The following NEXMIF variants were observed in gnomAD, a reference collection of about 807,000 sequenced individuals.
The protein encoded by NEXMIF is neurite extension and migration factor.
NEXMIF carries 8 observed loss-of-function variants against 62.1 expected under a neutral mutation model. That is an observed-to-expected ratio of 0.13 (90% CI 0.08 to 0.23). The LOEUF (loss-of-function observed/expected upper bound fraction) is 0.23, where lower values mean the gene tolerates loss of function less well. Among genes scored for constraint, NEXMIF ranks in the 10% least tolerant of loss-of-function variants. The pLI, the probability that NEXMIF is intolerant of heterozygous loss-of-function variation, is 1.00. For synonymous variants in NEXMIF, 404 were observed against 416.6 expected (o/e 0.97, Z 0.37); for missense variants, 976 against 1,113.3 (o/e 0.88, Z 1.75).
chrX:74,884,251 A>C (rs1421464573), intron 1 of NEXMIF, among the ~76,000 whole-genome samples: 1 of 111,920 alleles, frequency 8.9e-6, no homozygotes, highest in African/African-American at 3.3e-5. Context: ...TGAGCAAAAT[A>C]ACCAGCTAAC....
intron 1 of NEXMIF, among the ~76,000 whole-genome samples, chrX:74,793,178 C>T (rs2080291902): frequency 9.0e-6 from 1 of 110,695 alleles, no homozygotes; most frequent in African/African-American, 3.3e-5. Flanking sequence ...CTGGTGGTGA[C>T]AAAATCTCTC....
Position 74,871,165 on chromosome X carries a change from G to A in NEXMIF, c.-48+53718C>T, listed in dbSNP as rs1980007435. On this transcript the variant is annotated intron_variant, in intron 1 of 3. Coordinates refer to ENST00000055682, the MANE Select transcript of NEXMIF (RefSeq NM_001008537.3). ...TTCTTTTCTATTTTCCCTAAGTGTC[G>A]GCCGGTCTGAGAAATAAACAAAAAG... is the stretch of plus-strand genomic sequence containing the variant. Among the ~76,000 whole-genome samples the A allele has an allele frequency of 4.5e-5, 5 of 111,087 alleles. No individual in the cohort carries two copies. The Middle Eastern group carries it at 0.019, about 413-fold the overall frequency.
chrX:74,897,363 G>A (rs1202809076), intron 1 of NEXMIF, among the ~76,000 whole-genome samples: 1 of 111,901 alleles, frequency 8.9e-6, no homozygotes, highest in East Asian at 2.8e-4. Context: ...TTGAAAAATA[G>A]TAAGCTCTGC....
intron 1 of NEXMIF, among the ~76,000 whole-genome samples, chrX:74,884,054 T>C (rs1489943756): frequency 8.9e-6 from 1 of 111,747 alleles, no homozygotes; most frequent in South Asian, 3.8e-4. Context: ...CTAAGCTTCA[T>C]AAGTGAAGGA....
intron 1 of NEXMIF, among the ~76,000 whole-genome samples, chrX:74,803,234 T>G (rs1178711543): frequency 9.0e-6 from 1 of 111,450 alleles, no homozygotes; most frequent in Non-Finnish European, 1.9e-5. Context: ...CCAAGCATAT[T>G]TGACCCAAAG....
chrX:74,899,528 G>A (rs1380733901), intron 1 of NEXMIF, among the ~76,000 whole-genome samples: 1 of 112,023 alleles, frequency 8.9e-6, no homozygotes, highest in Non-Finnish European at 1.9e-5. Flanking sequence ...AACCAAGGAG[G>A]TGAAAGATCT....
chrX:74,858,552 G>A (rs2080543836), intron 1 of NEXMIF, among the ~76,000 whole-genome samples: 1 of 111,277 alleles, frequency 9.0e-6, no homozygotes, highest in African/African-American at 3.3e-5. Flanking sequence ...CAAGAAGGAT[G>A]GGTACAAATA....
intron 1 of NEXMIF, among the ~76,000 whole-genome samples, chrX:74,756,154 G>A (rs1340636234): frequency 1.8e-5 from 2 of 110,293 alleles, no homozygotes; most frequent in Non-Finnish European, 3.8e-5. Flanking sequence ...GTAGAGACGG[G>A]GTTTCACCAT....
chrX:74,867,818 A>G (rs998872518), intron 1 of NEXMIF, among the ~76,000 whole-genome samples: 3 of 112,465 alleles, frequency 2.7e-5, no homozygotes, highest in Non-Finnish European at 5.6e-5. Flanking sequence ...TCTGCACAGC[A>G]AAATAAACTA....
At chrX:74,858,616 G>A (rs2798175) in intron 1 of NEXMIF, among the ~76,000 whole-genome samples, 8,688 of 110,637 alleles carry the variant, frequency 0.079, 838 homozygotes, top group African/African-American at 0.27. Context: ...TAGTAGACAC[G>A]GATGAATGTC....
At chrX:74,875,294 A>G (rs776756383) in intron 1 of NEXMIF, among the ~76,000 whole-genome samples, 113 of 111,592 alleles carry the variant, frequency 1.0e-3, no homozygotes, top group East Asian at 5.1e-3. Context: ...GCTGGATTAC[A>G]TTTATTGATT....
chrX:74,765,116 G>T (rs2080190841), intron 1 of NEXMIF, among the ~76,000 whole-genome samples: 1 of 111,752 alleles, frequency 8.9e-6, no homozygotes, highest in Non-Finnish European at 1.9e-5. Context: ...CCTGTGATAG[G>T]TGCATATATA....
rs774053924 is a variant in NEXMIF at position 74,887,489 on chromosome X, T to C, written c.-48+37394A>G. On this transcript the variant is annotated intron_variant, in intron 1 of 3. Coordinates refer to ENST00000055682, the MANE Select transcript of NEXMIF (RefSeq NM_001008537.3). ...ACCCCATCAAAAAGTGGGCGAAGGA[T>C]ATTAACAGACACTTCTCAAAAGAAG... 5.2e-4 allele frequency among the ~76,000 whole-genome samples: 58 copies of C among 112,031 alleles called. No individual in the cohort carries two copies. In the East Asian group the frequency reaches 0.015, roughly 28 times the overall value.
chrX:74,834,223 T>C (rs755667425), intron 1 of NEXMIF, among the ~76,000 whole-genome samples: 1 of 111,525 alleles, frequency 9.0e-6, no homozygotes, highest in Non-Finnish European at 1.9e-5. Context: ...TAACTTTTTG[T>C]TGTTTCTCTT....
At chrX:74,837,388 A>G (rs1056475500) in intron 1 of NEXMIF, among the ~76,000 whole-genome samples, 2 of 111,652 alleles carry the variant, frequency 1.8e-5, no homozygotes, top group African/African-American at 6.5e-5. Flanking sequence ...GCCCCTCCCA[A>G]TAGTTTTATA....
Position 74,791,507 on chromosome X carries a change from G to A in NEXMIF, c.-47-45810C>T, listed in dbSNP as rs1481982726. 1.2e-4 allele frequency among the ~76,000 whole-genome samples: 13 copies of A among 111,301 alleles called. No homozygotes were observed. In the Admixed American group the frequency reaches 1.2e-3, roughly 11 times the overall value. Reference sequence around the variant, plus strand: ...CTGGCCTCATAAAATGAGTTAGGGAGGATTCCCTCTTTTTCTATTGATTGG... The same window carrying A: ...CTGGCCTCATAAAATGAGTTAGGGAAGATTCCCTCTTTTTCTATTGATTGG... On this transcript the variant is annotated intron_variant, in intron 1 of 3. Coordinates refer to ENST00000055682, the MANE Select transcript of NEXMIF (RefSeq NM_001008537.3).
At chrX:74,802,873 A>C (rs755361811) in intron 1 of NEXMIF, among the ~76,000 whole-genome samples, 5 of 110,745 alleles carry the variant, frequency 4.5e-5, no homozygotes, top group Non-Finnish European at 9.4e-5. Context: ...AAAATAATTA[A>C]AAAGAATAAA....
chrX:74,905,581 G>A (rs1008864396), intron 1 of NEXMIF, among the ~76,000 whole-genome samples: 4 of 112,001 alleles, frequency 3.6e-5, no homozygotes, highest in African/African-American at 6.5e-5. Flanking sequence ...AGACCAAAGC[G>A]GTCAGATCAC....
At chrX:74,750,424 G>A (rs2080138527) in intron 1 of NEXMIF, among the ~76,000 whole-genome samples, 1 of 111,976 alleles carries the variant, frequency 8.9e-6, no homozygotes, top group South Asian at 3.8e-4. Context: ...GGTACAACAT[G>A]TCTAATGAAG....
Sources: allele counts gnomAD v4.1 joint callset (sites outside exome capture counted in the v4.1 genomes callset), GRCh38; gene constraint gnomAD v4.1.1; transcripts MANE v1.5; gene names NCBI Gene and HGNC (gene_info 2026-07-23, HGNC 2026-07-21).